Variants in PCDHA4 observed in about 807,000 individuals in gnomAD.
The protein encoded by PCDHA4 is protocadherin alpha 4.
A neutral mutation model predicts 61.4 loss-of-function variants in PCDHA4; 49 were observed. The observed-to-expected ratio is 0.80, with a 90% CI of 0.63 to 1.01. PCDHA4 has a LOEUF of 1.01. Among genes scored for constraint, PCDHA4 ranks in the 50% least tolerant of loss-of-function variants. The pLI, the probability that PCDHA4 is intolerant of heterozygous loss-of-function variation, is 0.00. For missense variants in PCDHA4, 1,254 were observed against 1,235.8 expected (o/e 1.01, Z -0.22); for synonymous variants, 590 against 550.3 (o/e 1.07, Z -1.01).
At chr5:140,972,622 T>C (rs1554234253) in intron 1 of PCDHA4, among the ~76,000 whole-genome samples, 1 of 151,940 alleles carries the variant, frequency 6.6e-6, no homozygotes, top group African/African-American at 2.4e-5. Flanking sequence ...CTGAATGTTG[T>C]TGGCACTCCC....
chr5:140,961,515 C>T (rs2095619049), intron 1 of PCDHA4, among the ~76,000 whole-genome samples: 1 of 152,092 alleles, frequency 6.6e-6, no homozygotes, highest in Admixed American at 6.5e-5. Flanking sequence ...TTTAATGTCT[C>T]CACAAATTCT....
In PCDHA4 at chr5:140,858,699, A is replaced by T; in HGVS notation, c.2385+49127A>T. ...GAATACACTAATATTTTCCAATACAAATATGTGATATAGGTTGCAGTTCTG... is the reference window on the plus strand; with the variant it reads ...GAATACACTAATATTTTCCAATACATATATGTGATATAGGTTGCAGTTCTG... On this transcript the variant is annotated intron_variant, in intron 1 of 3. Coordinates refer to ENST00000530339, the MANE Select transcript of PCDHA4 (RefSeq NM_018907.4). 3.6e-6 allele frequency: 2 copies of T among 561,894 alleles called. 1 individual carries two copies. The highest frequency in any genetic ancestry group is 6.1e-6 in the Non-Finnish European group (2 of 326,852). 34.8% of individuals were successfully genotyped at this position (561,894 alleles called of 1,614,324 possible).
chr5:140,885,310 G>T (rs1554182115), intron 1 of PCDHA4, among the ~76,000 whole-genome samples: 1 of 152,038 alleles, frequency 6.6e-6, no homozygotes. Context: ...TAGGCTTTTT[G>T]TTATTATTTC....
chr5:140,966,373 T>G (rs1554228235), intron 1 of PCDHA4: 1 of 404,624 alleles, frequency 2.5e-6, no homozygotes, highest in African/African-American at 2.1e-5. Flanking sequence ...GGCTGAGCAG[T>G]CCGGGTTCGC....
chr5:140,884,656 G>T (rs782439139), intron 1 of PCDHA4: 8 of 1,602,178 alleles, frequency 5.0e-6, no homozygotes, highest in Non-Finnish European at 6.8e-6. Flanking sequence ...CAGAATGCTT[G>T]AAAGAGGTAA....
chr5:140,969,400 T>C (rs782765994), intron 1 of PCDHA4: 2 of 1,580,682 alleles, frequency 1.3e-6, no homozygotes, highest in South Asian at 2.3e-5. Flanking sequence ...TATCCTGTGA[T>C]TTGGCTTTAT....
At chr5:141,005,371 T>G (rs35698397) in intron 3 of PCDHA4, among the ~76,000 whole-genome samples, 7,868 of 152,226 alleles carry the variant, frequency 0.052, 247 homozygotes, top group South Asian at 0.11. Flanking sequence ...TAGAATGCCT[T>G]TCCAAGGAGG....
At chr5:140,992,533 C>T (rs1292844643) in intron 3 of PCDHA4, among the ~76,000 whole-genome samples, 1 of 152,188 alleles carries the variant, frequency 6.6e-6, no homozygotes, top group Non-Finnish European at 1.5e-5. Context: ...GGAAAAGTCA[C>T]TGTCACAAGT....
chr5:140,883,987 G>A (rs782597930), intron 1 of PCDHA4: 2 of 1,612,956 alleles, frequency 1.2e-6, no homozygotes, highest in East Asian at 2.2e-5. Flanking sequence ...CTGGCAGCGC[G>A]GGAGGCACAG....
At chr5:140,965,015 C>A (rs187456244) in intron 1 of PCDHA4, among the ~76,000 whole-genome samples, 116 of 152,260 alleles carry the variant, frequency 7.6e-4, no homozygotes, top group Non-Finnish European at 1.2e-3. Context: ...AGGATCACAA[C>A]CTTGGCTCCT....
chr5:140,966,765 C>G (rs2096051420), intron 1 of PCDHA4: 7 of 1,482,914 alleles, frequency 4.7e-6, no homozygotes, highest in Non-Finnish European at 6.3e-6. Context: ...CGGCCAGTGG[C>G]TATGGAGCAG....
Position 140,807,971 on chromosome 5 carries a change from A to G in PCDHA4, c.784A>G (p.Ile262Val). 6.2e-7 allele frequency: 1 copy of G among 1,613,976 alleles called. No individual in the cohort carries two copies. Among genetic ancestry groups the G allele is most frequent in the Non-Finnish European group, 8.5e-7 (1 of 1,179,844 alleles). The change falls in exon 1 of 4, where the codon ATT becomes GTT. Residue 262 changes from isoleucine (I) to valine (V), a missense_variant. Ile to Val is a conservative substitution (Grantham distance 29). Transcript: ENST00000530339. ...LENVPNGTLV[I>V]KLNASDLDEG... ...AAATGTTCCTAATGGAACATTGGTA[A>G]TTAAACTTAACGCCTCAGATTTAGA...
intron 1 of PCDHA4, chr5:140,828,820 A>T (rs192366589): frequency 6.2e-7 from 1 of 1,614,208 alleles, no homozygotes; most frequent in Admixed American, 1.7e-5. Context: ...CCACTTTCGA[A>T]CAGTCTGAAT....
intron 1 of PCDHA4, chr5:140,882,822 G>C: frequency 6.2e-7 from 1 of 1,614,198 alleles, no homozygotes; most frequent in South Asian, 1.1e-5. Context: ...GCACAAAACA[G>C]TCTTGAGCAA....
At chr5:140,842,943 G>A (rs2150348424) in intron 1 of PCDHA4, 4 of 1,594,646 alleles carry the variant, frequency 2.5e-6, no homozygotes, top group Non-Finnish European at 3.4e-6. Context: ...CGCGACGCGG[G>A]CGTGCCGCCT....
chr5:140,865,916 T>C (rs1446855400), intron 1 of PCDHA4: 1 of 152,190 alleles, frequency 6.6e-6, no homozygotes, highest in Non-Finnish European at 1.5e-5. Context: ...TTTCTTTCTG[T>C]TGTGCTTAGA....
rs1380751702 is a variant in PCDHA4 at position 140,855,145 on chromosome 5, A to C, written c.2385+45573A>C. On this transcript the variant is annotated intron_variant, in intron 1 of 3. Transcript: ENST00000530339. Reference sequence around the variant, plus strand: ...AGGTAATAATTTTGCCTGATGAGCCAAATTTGGTATTGAGCCTCATGAAAA... The same window carrying C: ...AGGTAATAATTTTGCCTGATGAGCCCAATTTGGTATTGAGCCTCATGAAAA... Among the ~76,000 whole-genome samples, 3 of 149,972 alleles carry C rather than the reference A, an allele frequency of 2.0e-5. 1 individual carries two copies. The East Asian group carries it at 5.8e-4, about 29-fold the overall frequency.
chr5:140,826,859 G>T (rs1313241483), intron 1 of PCDHA4, among the ~76,000 whole-genome samples: 3 of 152,092 alleles, frequency 2.0e-5, no homozygotes, highest in Non-Finnish European at 4.4e-5. Flanking sequence ...CAATTTCTAG[G>T]TTTAGTAAAA....
At chr5:140,908,429 G>A (rs575934093) in intron 1 of PCDHA4, among the ~76,000 whole-genome samples, 1 of 152,280 alleles carries the variant, frequency 6.6e-6, no homozygotes, top group African/African-American at 2.4e-5. Flanking sequence ...ATGCTGCTGT[G>A]CGCACCCCAC....
Sources: gnomAD v4.1 joint callset for allele counts (sites outside exome capture counted in the v4.1 genomes callset) on GRCh38, gnomAD v4.1.1 for gene constraint, MANE v1.5 for transcripts, NCBI Gene and HGNC (gene_info 2026-07-23, HGNC 2026-07-21) for gene names.